IQSEC2: variants seen among roughly 807,000 people sequenced by gnomAD.
IQSEC2 encodes the protein IQ motif and Sec7 domain ArfGEF 2.
IQSEC2 carries 6 observed loss-of-function variants against 74.6 expected under a neutral mutation model. The observed-to-expected ratio is 0.08, with a 90% CI of 0.04 to 0.16. The LOEUF (loss-of-function observed/expected upper bound fraction) is 0.16, where lower values mean the gene tolerates loss of function less well. Among genes scored for constraint, IQSEC2 ranks in the 10% least tolerant of loss-of-function variants. The pLI, the probability that IQSEC2 is intolerant of heterozygous loss-of-function variation, is 1.00. For missense variants in IQSEC2, 734 were observed against 1,306.2 expected (o/e 0.56, Z 6.75); for synonymous variants, 494 against 544.5 (o/e 0.91, Z 1.29).
intron 2 of IQSEC2, among the ~76,000 whole-genome samples, chrX:53,282,121 G>A (rs781964456): frequency 1.8e-5 from 2 of 112,539 alleles, no homozygotes; most frequent in Non-Finnish European, 3.8e-5. Context: ...ATGGGGCCCC[G>A]GCCAATATTC....
chrX:53,290,196 T>C (rs2075083002), intron 2 of IQSEC2, among the ~76,000 whole-genome samples: 2 of 111,466 alleles, frequency 1.8e-5, no homozygotes, highest in South Asian at 7.6e-4. Context: ...TGAGCCTCAG[T>C]TTCCTCAGCT....
At chrX:53,298,243 T>C (rs1437472343) in intron 1 of IQSEC2, among the ~76,000 whole-genome samples, 1 of 111,394 alleles carries the variant, frequency 9.0e-6, no homozygotes, top group Admixed American at 9.5e-5. Context: ...TTCCTTTCTT[T>C]TTTTTTTTAG....
At chrX:53,311,699 T>C (rs1220230183) in intron 1 of IQSEC2, among the ~76,000 whole-genome samples, 2 of 112,096 alleles carry the variant, frequency 1.8e-5, no homozygotes, top group East Asian at 5.6e-4. Flanking sequence ...GTGGCTCACC[T>C]GAGGTCAGGA....
chrX:53,269,350 C>A (rs781890729), intron 2 of IQSEC2, among the ~76,000 whole-genome samples: 2 of 111,039 alleles, frequency 1.8e-5, no homozygotes. Flanking sequence ...ACCCTTGTAT[C>A]CCCACCACTA....
chrX:53,277,844 T>C (rs1345831914), intron 2 of IQSEC2, among the ~76,000 whole-genome samples: 1 of 108,676 alleles, frequency 9.2e-6, no homozygotes, highest in Non-Finnish European at 1.9e-5. Flanking sequence ...CTAATTTCTG[T>C]ATTTTTAGTA....
At chrX:53,245,449 C>A (rs200401550) in intron 8 of IQSEC2, among the ~76,000 whole-genome samples, 55 of 87,043 alleles carry the variant, frequency 6.3e-4, no homozygotes, top group East Asian at 3.9e-3. Flanking sequence ...AAAAAAAAAA[C>A]AAATAAAATA....
intron 1 of IQSEC2, 26 bp downstream of exon 1, chrX:53,320,391 C>A (rs782675744): frequency 2.9e-5 from 32 of 1,121,675 alleles, no homozygotes; most frequent in Non-Finnish European, 3.4e-5. Context: ...AGGGAAGAGC[C>A]GGGGGTACAA....
intron 13 of IQSEC2, among the ~76,000 whole-genome samples, 188 bp from the exon 14 acceptor site, chrX:53,236,020 TG>T (rs1241915395): frequency 9.3e-6 from 1 of 107,779 alleles, no homozygotes; most frequent in African/African-American, 3.4e-5. Context: ...GAGGAAAAGA[TG>T]GAGAAGGAGG....
chrX:53,251,619 T>G (rs1188977858), intron 4 of IQSEC2, among the ~76,000 whole-genome samples: 2 of 112,184 alleles, frequency 1.8e-5, no homozygotes, highest in African/African-American at 6.5e-5. Flanking sequence ...GCTCTCTCCC[T>G]GTGGTATCCA....
At chrX:53,317,909 G>C (rs1292858051) in intron 1 of IQSEC2, among the ~76,000 whole-genome samples, 1 of 111,995 alleles carries the variant, frequency 8.9e-6, no homozygotes, top group Admixed American at 9.4e-5. Flanking sequence ...AAAGGAGGGA[G>C]ACAGAGCCTT....
chrX:53,255,471 T>C (rs1346943745), intron 3 of IQSEC2, among the ~76,000 whole-genome samples: 2 of 111,901 alleles, frequency 1.8e-5, no homozygotes, highest in Non-Finnish European at 3.8e-5. Context: ...AACAATCTAT[T>C]GTATGGCACT....
downstream of IQSEC2, chrX:53,227,402 T>TA (rs782191176): frequency 3.4e-5 from 9 of 263,525 alleles, no homozygotes; most frequent in South Asian, 2.3e-3. Context: ...TGCCCAATGA[T>TA]ACACAGGAAG....
chrX:53,300,451 A>G (rs1315077424), intron 1 of IQSEC2, among the ~76,000 whole-genome samples: 1 of 110,571 alleles, frequency 9.0e-6, no homozygotes, highest in Non-Finnish European at 1.9e-5. Context: ...TCTTGACTCC[A>G]TCACAGCCCT....
intron 1 of IQSEC2, among the ~76,000 whole-genome samples, chrX:53,295,260 T>C (rs2075139070): frequency 8.9e-6 from 1 of 112,010 alleles, no homozygotes; most frequent in Non-Finnish European, 1.9e-5. Flanking sequence ...ATTTTCTGAA[T>C]CAAAAACAGG....
intron 7 of IQSEC2, among the ~76,000 whole-genome samples, chrX:53,247,867 T>C (rs2074331091): frequency 8.9e-6 from 1 of 112,395 alleles, no homozygotes; most frequent in South Asian, 3.7e-4. Context: ...ACCTAGTAAG[T>C]GCTCCGTGAA....
At chrX:53,309,103 C>CAAAA (rs56674253) in intron 1 of IQSEC2, among the ~76,000 whole-genome samples, 1 of 37,364 alleles carries the variant, frequency 2.7e-5, no homozygotes, top group South Asian at 1.4e-3. Context: ...GACCCTGTCT[C>CAAAA]AAAAAAAAAA....
At chrX:53,275,728 C>CTTTTTTTTTTTT (rs1219701474) in intron 2 of IQSEC2, among the ~76,000 whole-genome samples, 1 of 81,705 alleles carries the variant, frequency 1.2e-5, no homozygotes. Flanking sequence ...TGCCCTCATT[C>CTTTTTTTTTTTT]TTTTTTTTTT....
chrX:53,247,239 T>C (rs1556862257), intron 7 of IQSEC2, 104 bp from the exon 8 acceptor site: 20 of 787,292 alleles, frequency 2.5e-5, no homozygotes, highest in Non-Finnish European at 3.4e-5. Context: ...CAAGAAATAC[T>C]TTCTTGATCT....
At chrX:53,244,499 C>G (rs1556861631) in intron 8 of IQSEC2, among the ~76,000 whole-genome samples, 2 of 99,475 alleles carry the variant, frequency 2.0e-5, no homozygotes, top group African/African-American at 7.9e-5. Context: ...GCACTCCAGC[C>G]TAGGCAACAG....
Sources: gnomAD v4.1 joint callset for allele counts (sites outside exome capture counted in the v4.1 genomes callset) on GRCh38, gnomAD v4.1.1 for gene constraint, MANE v1.5 for transcripts, NCBI Gene and HGNC (gene_info 2026-07-23, HGNC 2026-07-21) for gene names.